TRAPPC2: variants seen among roughly 807,000 people sequenced by gnomAD.
TRAPPC2 encodes sedlin.
Under a neutral mutation model 10.0 loss-of-function variants are expected in TRAPPC2, and 4 were observed. That is an observed-to-expected ratio of 0.40 (90% confidence interval 0.20 to 0.92). TRAPPC2 has a LOEUF of 0.92. TRAPPC2 is among the 40% of genes least tolerant of loss of function. The pLI, the probability that TRAPPC2 is intolerant of heterozygous loss-of-function variation, is 0.35. For missense variants in TRAPPC2, 52 were observed against 108.7 expected (o/e 0.48, Z 2.32); for synonymous variants, 36 against 37.3 (o/e 0.97, Z 0.12).
At chrX:13,719,846 C>A in intron 3 of TRAPPC2, 25 bp downstream of exon 3, 2 of 1,048,697 alleles carry the variant, frequency 1.9e-6, no homozygotes, top group Non-Finnish European at 2.6e-6. Context: ...CATATCATTA[C>A]AATAGCATAA....
chrX:13,722,212 A>ATGGGCTTCTTACTTTCTTCAGTACATTT (rs1250407762), intron 2 of TRAPPC2: 1 of 49,236 alleles, frequency 2.0e-5, no homozygotes, highest in Non-Finnish European at 3.9e-5. Context: ...CAGCAGCAAA[A>ATGGGCTTCTTACTTTCTTCAGTACATTT]AAAAAAAAAA....
intron 2 of TRAPPC2, among the ~76,000 whole-genome samples, chrX:13,726,576 G>A (rs1046611672): frequency 9.0e-6 from 1 of 111,621 alleles, no homozygotes; most frequent in African/African-American, 3.3e-5. Context: ...GTCACCACCA[G>A]GCCTGCCTTA....
intron 2 of TRAPPC2, among the ~76,000 whole-genome samples, chrX:13,726,057 G>A (rs1365398470): frequency 2.7e-5 from 3 of 111,414 alleles, no homozygotes; most frequent in Non-Finnish European, 5.7e-5. Flanking sequence ...CAAGGTTAGA[G>A]AAAAAAGAAT....
intron 2 of TRAPPC2, among the ~76,000 whole-genome samples, chrX:13,733,430 A>T (rs781353679): frequency 5.4e-5 from 6 of 111,651 alleles, no homozygotes; most frequent in Non-Finnish European, 1.1e-4. Context: ...CATGCCTGGA[A>T]TGTTCTCCTT....
chrX:13,713,236 G>A lies in TRAPPC2; in HGVS notation c.*1171C>T, dbSNP rs905108001. Reference sequence around the variant, plus strand: ...AGGCTGAGGCGGGTGGATCAACTGAGGTCAGGAGTTTGAAACCAGCCCGGC... The same window carrying A: ...AGGCTGAGGCGGGTGGATCAACTGAAGTCAGGAGTTTGAAACCAGCCCGGC... On this transcript the variant is annotated 3_prime_UTR_variant, in exon 6 of 6. Coordinates refer to ENST00000380579, the MANE Select transcript of TRAPPC2 (RefSeq NM_001011658.4). 4 of 110,498 alleles carry A rather than the reference G, an allele frequency of 3.6e-5. No individual in the cohort carries two copies. Among genetic ancestry groups the A allele is most frequent in the Non-Finnish European group, 7.6e-5 (4 of 52,867 alleles). 9.1% of individuals were successfully genotyped at this position (110,498 alleles called of 1,213,427 possible).
At chrX:13,722,208 C>CCAAAAAAAAAAAAAAAA (rs1555898002) in intron 2 of TRAPPC2, 1 of 36,116 alleles carries the variant, frequency 2.8e-5, no homozygotes, top group African/African-American at 1.2e-4. Context: ...TAAGCAGCAG[C>CCAAAAAAAAAAAAAAAA]AAAAAAAAAA....
intron 3 of TRAPPC2, among the ~76,000 whole-genome samples, chrX:13,717,467 C>T (rs980975993): frequency 4.5e-5 from 5 of 111,757 alleles, no homozygotes; most frequent in African/African-American, 1.3e-4. Context: ...TTTGGCCAGG[C>T]GCGGTGGCTT....
chrX:13,729,701 G>C (rs1602742351), intron 2 of TRAPPC2, among the ~76,000 whole-genome samples: 1 of 111,620 alleles, frequency 9.0e-6, no homozygotes, highest in African/African-American at 3.3e-5. Flanking sequence ...CTGAGGTAGG[G>C]AGTTCAAGAT....
rs773494382 is a variant in TRAPPC2 at position 13,715,746 on chromosome X, G to A, written c.324+258C>T. On this transcript the variant is annotated intron_variant, in intron 5 of 5. Transcript: ENST00000380579. ...GATCCCTAATAAAATCAGCTATGAG[G>A]ACAACAAGGTGAAGAATGAAACCAA... is the stretch of plus-strand genomic sequence containing the variant. The A allele has an allele frequency of 3.4e-6, 3 of 870,792 alleles. No homozygotes were observed. The East Asian group carries it at 2.1e-4, about 62-fold the overall frequency. The allele number at this position is 870,792 out of a possible 1,213,427, so 71.8% of individuals were successfully genotyped here. A position where few individuals can be genotyped will look rare whatever the true frequency, so the allele number is the denominator to read the frequency against.
chrX:13,729,531 A>G (rs1259343162), intron 2 of TRAPPC2, among the ~76,000 whole-genome samples: 1 of 112,621 alleles, frequency 8.9e-6, no homozygotes, highest in Non-Finnish European at 1.9e-5. Flanking sequence ...GGTGCTGGGA[A>G]AACTGGCTAG....
Position 13,714,159 on chromosome X carries a change from A to AC in TRAPPC2, c.*247_*248insG, listed in dbSNP as rs958555541. On this transcript the variant is annotated 3_prime_UTR_variant, in exon 6 of 6. Transcript: ENST00000380579. ...TCTGTATCAGAAAAAAAAAAAAAAA[A>AC]AAAACATGATTATTGATAATGAACT... 5 of 191,771 alleles carry AC rather than the reference A, an allele frequency of 2.6e-5. No individual in the cohort carries two copies. Among genetic ancestry groups the AC allele is most frequent in the African/African-American group, 1.5e-4 (5 of 33,359 alleles). 15.8% of individuals were successfully genotyped at this position (191,771 alleles called of 1,213,427 possible). A position where few individuals can be genotyped will look rare whatever the true frequency, so the allele number is the denominator to read the frequency against.
intron 2 of TRAPPC2, among the ~76,000 whole-genome samples, chrX:13,729,174 A>G (rs1011269880): frequency 8.9e-6 from 1 of 111,888 alleles, no homozygotes; most frequent in Non-Finnish European, 1.9e-5. Flanking sequence ...CATACTGCCC[A>G]AGGGTAATTT....
chrX:13,726,672 T>A (rs190560616), intron 2 of TRAPPC2, among the ~76,000 whole-genome samples: 11 of 111,914 alleles, frequency 9.8e-5, no homozygotes, highest in Non-Finnish European at 2.1e-4. Flanking sequence ...TAAAAGACCA[T>A]TGATGCTATG....
chrX:13,715,977 A>G (rs771746377), intron 5 of TRAPPC2, 27 bp downstream of exon 5: 2 of 1,166,091 alleles, frequency 1.7e-6, no homozygotes, highest in Non-Finnish European at 2.3e-6. Flanking sequence ...TCTCATCAGA[A>G]TTTAAAAATT....
At position 13,716,621 on chromosome X, in the gene TRAPPC2, C is replaced by G. The variant is rs2046292042; in HGVS notation, c.151G>C (p.Glu51Gln). ...ATGTTGTTCGATAGCCACATGTTCTCATCTACGAGGTCGAGAGCAGCATGA... is the reference window on the plus strand; with the variant it reads ...ATGTTGTTCGATAGCCACATGTTCTGATCTACGAGGTCGAGAGCAGCATGA... ...IAHAALDLVD[E>Q]NMWLSNNMYL... is the part of the protein sequence containing the mutation. Residue 51 changes from glutamate (E) to glutamine (Q), a missense_variant, in exon 4 of 6, where the codon GAG becomes CAG. Transcript: ENST00000380579. The G allele has an allele frequency of 8.3e-7, 1 of 1,210,236 alleles. No homozygotes were observed. Among genetic ancestry groups the G allele is most frequent in the African/African-American group, 1.7e-5 (1 of 57,415 alleles).
At chrX:13,719,039 C>T (rs1345698211) in intron 3 of TRAPPC2, among the ~76,000 whole-genome samples, 1 of 110,734 alleles carries the variant, frequency 9.0e-6, no homozygotes, top group Non-Finnish European at 1.9e-5. Context: ...CACCTATAAT[C>T]CCAGCTACCT....
intron 2 of TRAPPC2, among the ~76,000 whole-genome samples, chrX:13,724,656 C>G (rs2046502838): frequency 8.9e-6 from 1 of 112,096 alleles, no homozygotes; most frequent in Non-Finnish European, 1.9e-5. Context: ...ATAGGAACAC[C>G]TCCGGTCTGC....
intron 2 of TRAPPC2, among the ~76,000 whole-genome samples, chrX:13,725,327 T>C (rs1018425873): frequency 3.9e-4 from 44 of 112,470 alleles, no homozygotes; most frequent in African/African-American, 1.4e-3. Context: ...TATGGCCTAA[T>C]TGGGAGACAC....
chrX:13,732,567 T>C (rs2046698269), intron 2 of TRAPPC2, among the ~76,000 whole-genome samples: 1 of 112,315 alleles, frequency 8.9e-6, no homozygotes, highest in Non-Finnish European at 1.9e-5. Context: ...TGCTATGAAT[T>C]TGGGGAAGTG....
Sources: allele counts gnomAD v4.1 joint callset (sites outside exome capture counted in the v4.1 genomes callset), GRCh38; gene constraint gnomAD v4.1.1; transcripts MANE v1.5; gene names NCBI Gene and HGNC (gene_info 2026-07-23, HGNC 2026-07-21).